Variants in DOP1A observed in about 807,000 individuals in gnomAD.
The protein encoded by DOP1A is DOP1 leucine zipper like protein A.
Under a neutral mutation model 267.6 loss-of-function variants are expected in DOP1A, and 90 were observed. The observed-to-expected ratio is 0.34, with a 90% CI of 0.28 to 0.40. The LOEUF is 0.40. Ranked by LOEUF, DOP1A falls within the 10% of genes least tolerant of loss-of-function variation. The pLI, the probability that DOP1A is intolerant of heterozygous loss-of-function variation, is 1.00. For synonymous variants in DOP1A, 932 were observed against 999.1 expected, an observed-to-expected ratio of 0.93 and a Z score of 1.27; for missense variants, 2,437 against 2,900.4, an observed-to-expected ratio of 0.84 and a Z score of 3.67.
chr6:83,145,222 A>T (rs796814726), intron 24 of DOP1A, among the ~76,000 whole-genome samples: 3 of 70,554 alleles, frequency 4.3e-5, no homozygotes, highest in Admixed American at 2.5e-4. Flanking sequence ...ATATATATAT[A>T]ATATATATAT....
chr6:83,115,813 T>A (rs1404904143), intron 7 of DOP1A, among the ~76,000 whole-genome samples: 1 of 152,138 alleles, frequency 6.6e-6, no homozygotes, highest in Non-Finnish European at 1.5e-5. Flanking sequence ...TTTTCCCATC[T>A]GAAATTTTTT....
rs1327499987 is a variant in DOP1A at position 83,129,074 on chromosome 6, C to G, written c.1907C>G (p.Ser636Cys). Residue 636 changes from serine (S) to cysteine (C), a missense_variant, in exon 16 of 39, where the codon TCT becomes TGT. Coordinates refer to ENST00000349129, the MANE Select transcript of DOP1A (RefSeq NM_015018.4). ...GCCATCCCAATTGGTAGCACATCCT[C>G]TGAGACAGAAACAGCATCCACTGTG... ...AAAIPIGSTSSETETASTVGS... is the reference protein window; with the variant it reads ...AAAIPIGSTSCETETASTVGS... The G allele has an allele frequency of 1.2e-6, 2 of 1,613,924 alleles. No individual in the cohort carries two copies. Among genetic ancestry groups the G allele is most frequent in the Non-Finnish European group, 1.7e-6 (2 of 1,179,986 alleles).
intron 38 of DOP1A, chr6:83,165,938 G>A: frequency 2.6e-6 from 1 of 382,206 alleles, no homozygotes; most frequent in Non-Finnish European, 5.2e-6. Context: ...CAGACTGGCA[G>A]CAAACCACCA....
At chr6:83,079,967 C>T (rs1037900486) in intron 1 of DOP1A, among the ~76,000 whole-genome samples, 1 of 152,100 alleles carries the variant, frequency 6.6e-6, no homozygotes, top group Admixed American at 6.6e-5. Context: ...ATTCTCATGT[C>T]TTACCTTCTG....
chr6:83,156,299 C>T (rs1782768780), intron 34 of DOP1A, among the ~76,000 whole-genome samples, 196 bp downstream of exon 34: 1 of 151,984 alleles, frequency 6.6e-6, no homozygotes, highest in Non-Finnish European at 1.5e-5. Context: ...GTAGGACTTG[C>T]CTAAATGTGG....
Position 83,141,906 on chromosome 6 carries a change from T to C in DOP1A, c.5416-15T>C, listed in dbSNP as rs1232121440. On this transcript the variant is annotated splice_polypyrimidine_tract_variant and intron_variant, in intron 23 of 38. Transcript: ENST00000349129. ...TTTTAAAAGTTTCACTTTCATTTGC[T>C]TCAAATTGTTTTAGAACTTGAGACA... The C allele has an allele frequency of 1.3e-6, 2 of 1,578,800 alleles. No homozygotes were observed. Among genetic ancestry groups the C allele is most frequent in the Non-Finnish European group, 1.7e-6 (2 of 1,169,546 alleles).
rs189607468 is a variant in DOP1A, at chr6:83,128,015, G to C, written c.1720-872G>C. ...TAACCCCTCTACTGATATGAAAGTG[G>C]GGAAGGGGAGGAGGGGTGACGAAGG... is the stretch of plus-strand genomic sequence containing the variant. On this transcript the variant is annotated intron_variant, in intron 15 of 38. Transcript: ENST00000349129. Among the ~76,000 whole-genome samples, 4 of 152,204 alleles carry C rather than the reference G, an allele frequency of 2.6e-5. No individual in the cohort carries two copies. The East Asian group carries it at 7.7e-4, about 29-fold the overall frequency.
intron 34 of DOP1A, among the ~76,000 whole-genome samples, chr6:83,156,539 A>G (rs1288023659): frequency 1.3e-5 from 2 of 152,174 alleles, no homozygotes; most frequent in Non-Finnish European, 2.9e-5. Context: ...ATTTTCGGTA[A>G]CTTCATCAAG....
intron 1 of DOP1A, among the ~76,000 whole-genome samples, chr6:83,096,455 TG>T (rs111991462): frequency 2.2e-4 from 33 of 149,714 alleles, no homozygotes; most frequent in African/African-American, 7.4e-4. Flanking sequence ...AAACAGCTAA[TG>T]GGCCTTCATA....
At chr6:83,091,600 TATAGCAA>T (rs1439554946) in intron 1 of DOP1A, among the ~76,000 whole-genome samples, 1 of 152,204 alleles carries the variant, frequency 6.6e-6, no homozygotes, top group African/African-American at 2.4e-5. Flanking sequence ...TTGACTTTTT[TATAGCAA>T]ATAAGATTAT....
chr6:83,078,077 A>G lies in DOP1A; in HGVS notation c.-147+10298A>G, dbSNP rs1185353918. Among the ~76,000 whole-genome samples the G allele has an allele frequency of 2.0e-5, 3 of 152,196 alleles. No homozygotes were observed. The East Asian group carries it at 5.8e-4, about 29-fold the overall frequency. On this transcript the variant is annotated intron_variant, in intron 1 of 38. Coordinates refer to ENST00000349129, the MANE Select transcript of DOP1A (RefSeq NM_015018.4). Reference sequence around the variant, plus strand: ...GAGTTTGAGTATAATTTAATAGAAAATTAAATTCTATCCACAAAATTAATA... The same window carrying G: ...GAGTTTGAGTATAATTTAATAGAAAGTTAAATTCTATCCACAAAATTAATA...
chr6:83,143,077 T>C (rs1779911541), intron 24 of DOP1A, among the ~76,000 whole-genome samples: 1 of 152,198 alleles, frequency 6.6e-6, no homozygotes, highest in South Asian at 2.1e-4. Context: ...ACATTGAAAA[T>C]TTAAATCCTG....
chr6:83,093,183 G>A (rs1367537011), intron 1 of DOP1A, among the ~76,000 whole-genome samples: 2 of 152,224 alleles, frequency 1.3e-5, no homozygotes, highest in African/African-American at 2.4e-5. Flanking sequence ...GGTCAGGGAT[G>A]TTCTCTCTAG....
chr6:83,151,849 T>C, intron 28 of DOP1A, 34 bp from the exon 29 acceptor site: 1 of 1,601,352 alleles, frequency 6.2e-7, no homozygotes, highest in Non-Finnish European at 8.5e-7. Context: ...TGCATGTGTG[T>C]ACCATACATA....
intron 24 of DOP1A, among the ~76,000 whole-genome samples, chr6:83,144,200 A>C (rs2128291359): frequency 6.6e-6 from 1 of 152,352 alleles, no homozygotes; most frequent in East Asian, 1.9e-4. Flanking sequence ...AGAATGAAGA[A>C]GACAGGGGAT....
At chr6:83,139,775 T>C (rs1017869921) in intron 21 of DOP1A, among the ~76,000 whole-genome samples, 4 of 152,180 alleles carry the variant, frequency 2.6e-5, no homozygotes, top group African/African-American at 7.2e-5. Flanking sequence ...TTGTTTATTT[T>C]GTATAGAATT....
chr6:83,136,543 C>G (rs1040781206), intron 20 of DOP1A, among the ~76,000 whole-genome samples: 2 of 152,106 alleles, frequency 1.3e-5, no homozygotes, highest in African/African-American at 2.4e-5. Flanking sequence ...GCCTAGAAGG[C>G]TATGGCTTTC....
intron 1 of DOP1A, among the ~76,000 whole-genome samples, chr6:83,078,234 G>A (rs1247776125): frequency 6.6e-6 from 1 of 152,122 alleles, no homozygotes; most frequent in Non-Finnish European, 1.5e-5. Context: ...GCTTTATATG[G>A]CTAACAGCTT....
chr6:83,126,954 T>TG (rs1221568776), intron 15 of DOP1A, among the ~76,000 whole-genome samples: 1 of 152,074 alleles, frequency 6.6e-6, no homozygotes. Context: ...GAGTGCTGAT[T>TG]GGTTGGCTCG....
Sources: allele counts gnomAD v4.1 joint callset (sites outside exome capture counted in the v4.1 genomes callset), GRCh38; gene constraint gnomAD v4.1.1; transcripts MANE v1.5; gene names NCBI Gene and HGNC (gene_info 2026-07-23, HGNC 2026-07-21).